MTUS1: variants seen among roughly 807,000 people sequenced by gnomAD.
MTUS1 encodes the protein microtubule associated scaffold protein 1.
MTUS1 carries 109 observed loss-of-function variants against 120.8 expected under a neutral mutation model. The observed-to-expected ratio is 0.90, with a 90% CI of 0.77 to 1.06. The LOEUF (loss-of-function observed/expected upper bound fraction) is 1.06. Ranked by LOEUF, MTUS1 falls within the 50% of genes least tolerant of loss-of-function variation. MTUS1 has a pLI of 0.00. For synonymous variants in MTUS1, 737 were observed against 550.5 expected, an observed-to-expected ratio of 1.34 and a Z score of -4.74; for missense variants, 2,210 against 1,486.3, an observed-to-expected ratio of 1.49 and a Z score of -8.01.
chr8:17,773,650 C>T (rs1013023563), intron 1 of MTUS1, among the ~76,000 whole-genome samples: 3 of 152,146 alleles, frequency 2.0e-5, no homozygotes, highest in Non-Finnish European at 4.4e-5. Flanking sequence ...GGTCTCTCTT[C>T]TTAGGAAGCC....
At chr8:17,796,412 A>T (rs369946408) in intron 1 of MTUS1, among the ~76,000 whole-genome samples, 3 of 33,684 alleles carry the variant, frequency 8.9e-5, no homozygotes, top group African/African-American at 3.3e-4. Flanking sequence ...ACGTACTTCT[A>T]AAGTACCTGA....
intron 5 of MTUS1, among the ~76,000 whole-genome samples, chr8:17,714,319 CA>C (rs1821895687): frequency 6.6e-6 from 1 of 152,132 alleles, no homozygotes; most frequent in Non-Finnish European, 1.5e-5. Flanking sequence ...ATCCTTTAAA[CA>C]CACACACAGA....
rs1465863743 is a variant in MTUS1 at position 17,644,431 on chromosome 8, A to C, written c.*1495T>G. 1 of 151,796 alleles carries C rather than the reference A, an allele frequency of 6.6e-6. No homozygotes were observed. Among genetic ancestry groups the C allele is most frequent in the African/African-American group, 2.4e-5 (1 of 40,910 alleles). 9.4% of individuals were successfully genotyped at this position (151,796 alleles called of 1,614,324 possible). A position where few individuals can be genotyped will look rare whatever the true frequency, so the allele number is the denominator to read the frequency against. On this transcript the variant is annotated 3_prime_UTR_variant, in exon 15 of 15. Transcript: ENST00000693296. ...TAAATACTGACATCACAATGTTGAC[A>C]CATGCAGGGAGGGGGAGATAAAGCA...
intron 2 of MTUS1, among the ~76,000 whole-genome samples, chr8:17,751,882 A>G (rs1008711523): frequency 2.7e-5 from 4 of 150,540 alleles, no homozygotes; most frequent in South Asian, 2.1e-4. Context: ...AAAAAAAAAA[A>G]AAAAGAAAGC....
intron 1 of MTUS1, among the ~76,000 whole-genome samples, chr8:17,782,097 C>T (rs1004558390): frequency 6.6e-6 from 1 of 152,186 alleles, no homozygotes; most frequent in African/African-American, 2.4e-5. Context: ...AAAGCTGACA[C>T]AGATATACTA....
At chr8:17,658,281 G>A (rs945677081) in intron 8 of MTUS1, among the ~76,000 whole-genome samples, 1 of 152,130 alleles carries the variant, frequency 6.6e-6, no homozygotes, top group Non-Finnish European at 1.5e-5. Context: ...TGATGCGCCT[G>A]CCTCGGCCTC....
chr8:17,661,659 C>T (rs529098962), intron 8 of MTUS1, among the ~76,000 whole-genome samples: 2 of 146,852 alleles, frequency 1.4e-5, no homozygotes, highest in South Asian at 4.3e-4. Flanking sequence ...AAAAAAAAGG[C>T]AGCTCTGACG....
chr8:17,663,424 G>A (rs1024435804), intron 8 of MTUS1, among the ~76,000 whole-genome samples: 1 of 152,104 alleles, frequency 6.6e-6, no homozygotes, highest in Non-Finnish European at 1.5e-5. Flanking sequence ...TTATATCTGA[G>A]TAGCATGGTT....
At chr8:17,700,151 G>C (rs1040889920) in intron 6 of MTUS1, among the ~76,000 whole-genome samples, 3 of 152,096 alleles carry the variant, frequency 2.0e-5, no homozygotes, top group Admixed American at 6.6e-5. Context: ...ACAGTTTGTA[G>C]TTGTAAAAGT....
intron 6 of MTUS1, among the ~76,000 whole-genome samples, chr8:17,701,024 C>T (rs1292428102): frequency 1.3e-5 from 2 of 152,044 alleles, no homozygotes; most frequent in African/African-American, 4.8e-5. Context: ...TGCTTAGATG[C>T]TACAAAATGC....
chr8:17,788,082 T>C (rs1307219128), intron 1 of MTUS1, among the ~76,000 whole-genome samples: 3 of 152,078 alleles, frequency 2.0e-5, no homozygotes, highest in Non-Finnish European at 2.9e-5. Context: ...GATCGTGCCC[T>C]TGCACTCCAG....
chr8:17,684,472 G>T lies in MTUS1; in HGVS notation c.2694C>A (p.Pro898=). Residue 898 remains proline, a synonymous_variant, in exon 7 of 15, where the codon CCC becomes CCA. Transcript: ENST00000693296. The stretch of plus-strand genomic sequence containing the variant: ...GCGTCAATTCAAGTGTTTTCTCAGG[G>T]GGCAGCGCATCGGGAGCTGTCTGTG... The part of the protein sequence containing the change: ...IQPQTAPDAL[P]PEKTLELTQY... 1 of 1,614,154 alleles carries T rather than the reference G, an allele frequency of 6.2e-7. No homozygotes were observed. The highest frequency in any genetic ancestry group is 8.5e-7 in the Non-Finnish European group (1 of 1,180,024).
At chr8:17,687,999 C>T (rs904665912) in intron 6 of MTUS1, among the ~76,000 whole-genome samples, 2 of 152,162 alleles carry the variant, frequency 1.3e-5, no homozygotes, top group African/African-American at 2.4e-5. Context: ...ATGGACTAAC[C>T]GTAACCACAT....
intron 6 of MTUS1, chr8:17,697,154 TCC>T: frequency 7.1e-7 from 1 of 1,416,368 alleles, no homozygotes; most frequent in Non-Finnish European, 9.4e-7. Context: ...AGAGCTTTTT[TCC>T]TCCAATTATC....
At chr8:17,788,378 G>A (rs1443344578) in intron 1 of MTUS1, among the ~76,000 whole-genome samples, 1 of 152,072 alleles carries the variant, frequency 6.6e-6, no homozygotes, top group Non-Finnish European at 1.5e-5. Flanking sequence ...TCTGTAATCT[G>A]CTTGCCAACT....
chr8:17,721,792 G>C (rs1199837349), intron 4 of MTUS1: 2 of 1,614,020 alleles, frequency 1.2e-6, no homozygotes, highest in Admixed American at 3.3e-5. Context: ...CAATAAGGTA[G>C]CATCATAGTG....
At chr8:17,796,635 GTC>G (rs1235154852) in intron 1 of MTUS1, among the ~76,000 whole-genome samples, 2 of 152,166 alleles carry the variant, frequency 1.3e-5, no homozygotes, top group East Asian at 3.9e-4. Context: ...CAAAATGGAA[GTC>G]TCTTTTACCA....
chr8:17,732,636 C>T (rs2046665516), intron 3 of MTUS1, among the ~76,000 whole-genome samples: 1 of 152,220 alleles, frequency 6.6e-6, no homozygotes, highest in African/African-American at 2.4e-5. Context: ...TTCTACTCCA[C>T]ATGGCCTCTT....
At chr8:17,773,025 T>C (rs2050131995) in intron 1 of MTUS1, among the ~76,000 whole-genome samples, 1 of 152,268 alleles carries the variant, frequency 6.6e-6, no homozygotes, top group Admixed American at 6.5e-5. Context: ...GTTCATGCAA[T>C]ATACACACAT....
Sources: gnomAD v4.1 joint callset for allele counts (sites outside exome capture counted in the v4.1 genomes callset) on GRCh38, gnomAD v4.1.1 for gene constraint, MANE v1.5 for transcripts, NCBI Gene and HGNC (gene_info 2026-07-23, HGNC 2026-07-21) for gene names.